The following CHODL variants were observed in gnomAD, a reference collection of about 807,000 sequenced individuals.
CHODL encodes chondrolectin, also known as transmembrane protein MT75.
A neutral mutation model predicts 34.5 loss-of-function variants in CHODL; 29 were observed. The observed-to-expected ratio is 0.84, with a 90% CI of 0.63 to 1.15. CHODL has a LOEUF of 1.15. CHODL is among the 50% of genes most tolerant of loss of function. The pLI, the probability that CHODL is intolerant of heterozygous loss-of-function variation, is 0.00. For synonymous variants in CHODL, 125 were observed against 116.1 expected (o/e 1.08, Z -0.49); for missense variants, 332 against 332.5 (o/e 1.00, Z 0.01).
intron 2 of CHODL, among the ~76,000 whole-genome samples, chr21:18,144,103 T>C (rs994548979): frequency 6.6e-6 from 1 of 152,126 alleles, no homozygotes; most frequent in Non-Finnish European, 1.5e-5. Context: ...GTCAATAATA[T>C]TATCTTTGAT....
intron 2 of CHODL, among the ~76,000 whole-genome samples, chr21:18,075,043 T>C (rs567152321): frequency 3.3e-5 from 5 of 152,300 alleles, no homozygotes; most frequent in African/African-American, 1.2e-4. Flanking sequence ...AGTAAATTGA[T>C]TGAGTTTGAA....
intron 5 of CHODL, among the ~76,000 whole-genome samples, chr21:18,264,836 G>T (rs969689932): frequency 7.2e-5 from 11 of 152,080 alleles, no homozygotes; most frequent in Admixed American, 2.0e-4. Flanking sequence ...ATCTGCTATT[G>T]AACCACATTG....
chr21:18,060,664 C>T (rs1045081688), intron 2 of CHODL, among the ~76,000 whole-genome samples: 4 of 144,294 alleles, frequency 2.8e-5, no homozygotes, highest in African/African-American at 1.0e-4. Flanking sequence ...GACCTAGGTA[C>T]CTCTGAAGCT....
At chr21:18,174,097 G>C (rs1317289758) in intron 2 of CHODL, among the ~76,000 whole-genome samples, 8 of 2,988 alleles carry the variant, frequency 2.7e-3, no homozygotes, top group Admixed American at 5.7e-3. Context: ...AACAAATACA[G>C]GATATATATA....
At chr21:17,950,716 C>T (rs1452940176) in intron 1 of CHODL, among the ~76,000 whole-genome samples, 1 of 152,076 alleles carries the variant, frequency 6.6e-6, no homozygotes, top group Non-Finnish European at 1.5e-5. Flanking sequence ...TGGAGAGAAA[C>T]CAATCAGCTT....
rs182909050 is a variant in CHODL at position 18,201,659 on chromosome 21, A to T, written c.-44-54850A>T. On this transcript the variant is annotated intron_variant, in intron 2 of 6. Coordinates refer to the CHODL transcript ENST00000400127. ...AATGAATTGTTTGACTTAATCTGTA[A>T]TCTAAAAGTAGACTTCTTTAAATGC... Among the ~76,000 whole-genome samples, 216 of 152,286 alleles carry T rather than the reference A, an allele frequency of 1.4e-3. 5 individuals carry two copies. In the East Asian group the frequency reaches 0.038, roughly 27 times the overall value.
At chr21:18,109,420 G>A (rs1254821125) in intron 2 of CHODL, among the ~76,000 whole-genome samples, 7 of 152,150 alleles carry the variant, frequency 4.6e-5, no homozygotes, top group African/African-American at 1.7e-4. Context: ...AGAGAGAATG[G>A]AGACTCTATT....
At chr21:17,932,239 C>G (rs1418298430) in intron 1 of CHODL, among the ~76,000 whole-genome samples, 1 of 152,020 alleles carries the variant, frequency 6.6e-6, no homozygotes, top group Non-Finnish European at 1.5e-5. Flanking sequence ...AAAGTGCAAA[C>G]TAAAACCATA....
At chr21:18,228,579 A>G (rs2073952063) in intron 2 of CHODL, among the ~76,000 whole-genome samples, 1 of 152,148 alleles carries the variant, frequency 6.6e-6, no homozygotes, top group African/African-American at 2.4e-5. Context: ...CTGCTGTATA[A>G]TTTGGCATGG....
chr21:17,954,835 A>G lies in CHODL; in HGVS notation c.-145+37435A>G, dbSNP rs1225008022. ...ATTCTCTCTCTGTATATATTTATAA[A>G]TATATATTTAAAATATAAATATATA... On this transcript the variant is annotated intron_variant, in intron 1 of 6. Coordinates refer to the CHODL transcript ENST00000400127. 2.3e-5 allele frequency among the ~76,000 whole-genome samples: 3 copies of G among 131,048 alleles called. No individual in the cohort carries two copies. In the East Asian group the frequency reaches 6.6e-4, roughly 29 times the overall value. The allele number at this position is 131,048 out of a possible 152,430, so 86.0% of individuals were successfully genotyped here.
chr21:17,996,998 A>G (rs1376475383), intron 1 of CHODL, among the ~76,000 whole-genome samples: 2 of 152,198 alleles, frequency 1.3e-5, no homozygotes, highest in Non-Finnish European at 2.9e-5. Flanking sequence ...AGAAACATAC[A>G]TTTTATTCTG....
At chr21:17,965,170 C>T (rs1264912932) in intron 1 of CHODL, among the ~76,000 whole-genome samples, 1 of 152,130 alleles carries the variant, frequency 6.6e-6, no homozygotes, top group African/African-American at 2.4e-5. Context: ...ACCCTCTCTA[C>T]CTCCTCAAAT....
chr21:18,033,610 A>G (rs2824608), intron 2 of CHODL, among the ~76,000 whole-genome samples: 70,295 of 151,832 alleles, frequency 0.46, 16,752 homozygotes, highest in Admixed American at 0.54. Context: ...GGAACTTAAT[A>G]GTTTACACCC....
intron 1 of CHODL, among the ~76,000 whole-genome samples, chr21:17,970,144 T>C (rs1195566467): frequency 6.6e-6 from 1 of 152,166 alleles, no homozygotes; most frequent in Non-Finnish European, 1.5e-5. Context: ...TATTCTGTGG[T>C]ATCAAAATTT....
intron 1 of CHODL, among the ~76,000 whole-genome samples, chr21:17,940,848 T>C (rs867229852): frequency 6.6e-6 from 1 of 152,216 alleles, no homozygotes. Context: ...GTCAGATTCT[T>C]GAAACTCACT....
intron 2 of CHODL, among the ~76,000 whole-genome samples, chr21:18,031,564 C>T (rs1425267483): frequency 1.3e-5 from 2 of 151,914 alleles, no homozygotes. Flanking sequence ...AATGCCATTA[C>T]ATTTGCCATT....
intron 2 of CHODL, among the ~76,000 whole-genome samples, chr21:18,078,415 A>G (rs894569560): frequency 3.9e-5 from 6 of 152,144 alleles, no homozygotes; most frequent in Non-Finnish European, 8.8e-5. Flanking sequence ...ATCTCTCACC[A>G]GGTCCCTCCC....
chr21:17,925,688 A>C (rs971009753), intron 1 of CHODL, among the ~76,000 whole-genome samples: 2 of 152,246 alleles, frequency 1.3e-5, no homozygotes, highest in Non-Finnish European at 2.9e-5. Flanking sequence ...AAATTTATTT[A>C]TAATAGATTT....
intron 1 of CHODL, among the ~76,000 whole-genome samples, chr21:18,250,805 G>C (rs540267287): frequency 1.1e-4 from 16 of 151,890 alleles, no homozygotes; most frequent in African/African-American, 3.6e-4. Context: ...AACATTCTAA[G>C]TTAATTCAGT....
Sources: allele counts gnomAD v4.1 joint callset (sites outside exome capture counted in the v4.1 genomes callset), GRCh38; gene constraint gnomAD v4.1.1; transcripts MANE v1.5; gene names NCBI Gene and HGNC (gene_info 2026-07-23, HGNC 2026-07-21).